The following CACNA1D variants were observed in gnomAD, a reference collection of about 807,000 sequenced individuals.
CACNA1D encodes the protein voltage-dependent L-type calcium channel subunit alpha-1D.
In CACNA1D, 55 loss-of-function variants were observed where a neutral mutation model predicts 257.1. The observed-to-expected ratio is 0.21, with a 90% CI of 0.17 to 0.27. The LOEUF (loss-of-function observed/expected upper bound fraction) is 0.27, where lower values mean the gene tolerates loss of function less well. Ranked by LOEUF, CACNA1D falls within the 10% of genes least tolerant of loss-of-function variation. The pLI is 1.00. For synonymous variants in CACNA1D, 980 were observed against 1,014.9 expected, an observed-to-expected ratio of 0.97 and a Z score of 0.65; for missense variants, 1,876 against 2,784.0, an observed-to-expected ratio of 0.67 and a Z score of 7.34.
intron 3 of CACNA1D, among the ~76,000 whole-genome samples, chr3:53,520,298 C>T (rs1263554466): frequency 6.6e-6 from 1 of 152,204 alleles, no homozygotes; most frequent in Non-Finnish European, 1.5e-5. Context: ...TCTTTGCTAA[C>T]ACTTGTTATT....
chr3:53,700,229 A>G (rs1236662671), intron 8 of CACNA1D, among the ~76,000 whole-genome samples: 2 of 151,950 alleles, frequency 1.3e-5, no homozygotes, highest in Admixed American at 6.5e-5. Flanking sequence ...CCCATATATG[A>G]TATGGACCCA....
intron 3 of CACNA1D, among the ~76,000 whole-genome samples, chr3:53,509,557 T>A (rs2091019380): frequency 1.3e-5 from 2 of 152,178 alleles, no homozygotes; most frequent in African/African-American, 4.8e-5. Context: ...GTTGAAATTA[T>A]TGAATGAGTG....
chr3:53,733,999 CATATAT>C (rs1257472510), intron 19 of CACNA1D, among the ~76,000 whole-genome samples: 2 of 97,850 alleles, frequency 2.0e-5, no homozygotes, highest in Non-Finnish European at 3.9e-5. Flanking sequence ...TATACATATA[CATATAT>C]ATATGTGTGT....
chr3:53,686,631 C>G (rs2108496636), intron 8 of CACNA1D, among the ~76,000 whole-genome samples: 1 of 152,022 alleles, frequency 6.6e-6, no homozygotes, highest in East Asian at 1.9e-4. Context: ...ATAATGATTT[C>G]TAATAACTCT....
intron 17 of CACNA1D, 129 bp downstream of exon 17, chr3:53,731,275 GCACA>G: frequency 2.7e-6 from 2 of 728,974 alleles, no homozygotes; most frequent in Non-Finnish European, 4.9e-6. Context: ...GAAGAATATG[GCACA>G]CCATATAGAC....
chr3:53,552,643 A>G (rs1036684165), intron 3 of CACNA1D, among the ~76,000 whole-genome samples: 5 of 152,148 alleles, frequency 3.3e-5, no homozygotes, highest in African/African-American at 2.4e-5. Flanking sequence ...GGCCTCCCAA[A>G]GTGCTGGGGT....
Position 53,780,097 on chromosome 3 carries a change from G to A in CACNA1D, c.4659G>A (p.Leu1553=). 1 of 1,613,962 alleles carries A rather than the reference G, an allele frequency of 6.2e-7. No individual in the cohort carries two copies. Among genetic ancestry groups the A allele is most frequent in the South Asian group, 1.1e-5 (1 of 91,084 alleles). Residue 1553 remains leucine (L), a synonymous_variant, in exon 38 of 48, where the codon TTG becomes TTA. Transcript: ENST00000350061. ...TGTTTAATGCAACCCTGTTTGCTTT[G>A]GTTCGAACGGCTCTTAAGATCAAGA... is the stretch of plus-strand genomic sequence containing the variant. The part of the protein sequence containing the change: ...TVMFNATLFA[L]VRTALKIKTE...
chr3:53,696,988 G>A (rs958535874), intron 8 of CACNA1D, among the ~76,000 whole-genome samples: 1 of 152,114 alleles, frequency 6.6e-6, no homozygotes, highest in Non-Finnish European at 1.5e-5. Context: ...AAATGCTCTG[G>A]CCGCAGCTCC....
chr3:53,757,059 T>G (rs565198445), intron 29 of CACNA1D, among the ~76,000 whole-genome samples: 1 of 152,326 alleles, frequency 6.6e-6, no homozygotes, highest in East Asian at 1.9e-4. Flanking sequence ...TTTGGTGCTG[T>G]CCTCATGCTG....
At chr3:53,776,215 T>C (rs143893347) in intron 35 of CACNA1D, among the ~76,000 whole-genome samples, 170 bp downstream of exon 35, 1 of 152,350 alleles carries the variant, frequency 6.6e-6, no homozygotes, top group African/African-American at 2.4e-5. Context: ...CGTGTGTCAC[T>C]GCCGCCACCT....
chr3:53,743,568 A>G (rs902951308), intron 22 of CACNA1D, among the ~76,000 whole-genome samples: 2 of 152,216 alleles, frequency 1.3e-5, no homozygotes, highest in East Asian at 1.9e-4. Flanking sequence ...AGAACCTGCT[A>G]GGACTTTTTC....
intron 21 of CACNA1D, among the ~76,000 whole-genome samples, chr3:53,740,640 T>C (rs1282522575): frequency 1.3e-5 from 2 of 151,970 alleles, no homozygotes; most frequent in Non-Finnish European, 2.9e-5. Flanking sequence ...TTTTTTTTCC[T>C]GTGACCATTC....
intron 4 of CACNA1D, among the ~76,000 whole-genome samples, chr3:53,652,934 A>G (rs979594626): frequency 1.3e-5 from 2 of 152,222 alleles, no homozygotes; most frequent in Non-Finnish European, 2.9e-5. Context: ...CCTTGCTTAC[A>G]ATGTTTGAAA....
At chr3:53,705,366 T>C (rs944485896) in intron 9 of CACNA1D, among the ~76,000 whole-genome samples, 18 of 152,224 alleles carry the variant, frequency 1.2e-4, no homozygotes, top group African/African-American at 3.9e-4. Flanking sequence ...AGTAATATAA[T>C]CTAGGAAAGA....
chr3:53,800,317 T>G lies in CACNA1D; in HGVS notation c.4992T>G (p.Asp1664Glu). Residue 1664 changes from aspartate (D) to glutamate (E), a missense_variant, in exon 41 of 48, where the codon GAT becomes GAG. Physicochemically the swap from Asp to Glu is conservative, Grantham distance 45. Around this residue, in one of 10 missense-constraint regions of CACNA1D, gnomAD observed 160 missense variants for 236.6 expected, o/e 0.68. Coordinates refer to ENST00000350061, the MANE Select transcript of CACNA1D (RefSeq NM_001128840.3). This position sits in a 1 kb window ranked among gnomAD's most constrained non-coding sequence, Gnocchi z 4.3. ...IRRAISCDLQ[D>E]DEPEETKREE... ...GTGCTATATCGTGTGATTTGCAAGA[T>G]GACGAGCCTGAGGAAACAAAACGAG... is the stretch of plus-strand genomic sequence containing the variant. The G allele has an allele frequency of 6.2e-7, 1 of 1,614,052 alleles. No individual in the cohort carries two copies. The highest frequency in any genetic ancestry group is 2.2e-5 in the East Asian group (1 of 44,888).
intron 46 of CACNA1D, 128 bp from the exon 47 acceptor site, chr3:53,809,850 G>T: frequency 1.2e-6 from 1 of 832,570 alleles, no homozygotes; most frequent in Non-Finnish European, 2.1e-6. Flanking sequence ...GTGTGCCCAT[G>T]TCCTTTCCAA....
chr3:53,775,696 C>T (rs1425864783), intron 34 of CACNA1D, among the ~76,000 whole-genome samples, 190 bp from the exon 35 acceptor site: 1 of 152,192 alleles, frequency 6.6e-6, no homozygotes, highest in East Asian at 1.9e-4. Context: ...GGAATTGCAG[C>T]AGGACCTCCA....
intron 9 of CACNA1D, among the ~76,000 whole-genome samples, chr3:53,716,266 G>A (rs2094817092): frequency 6.6e-6 from 1 of 152,240 alleles, no homozygotes; most frequent in Non-Finnish European, 1.5e-5. Flanking sequence ...CATTGCCCAG[G>A]AGACTCAGAA....
chr3:53,503,304 A>G (rs1331115390), intron 3 of CACNA1D, among the ~76,000 whole-genome samples: 1 of 152,198 alleles, frequency 6.6e-6, no homozygotes, highest in Non-Finnish European at 1.5e-5. Flanking sequence ...TGGACATTTT[A>G]TGTAGCTTTT....
Sources: allele counts gnomAD v4.1 joint callset (sites outside exome capture counted in the v4.1 genomes callset), GRCh38; gene constraint gnomAD v4.1.1; regional missense constraint gnomAD v4.1.1; non-coding constraint Gnocchi (gnomAD v3.1); transcripts MANE v1.5; gene names NCBI Gene and HGNC (gene_info 2026-07-23, HGNC 2026-07-21).